Variants in MYO3B observed in about 807,000 individuals in gnomAD.
MYO3B encodes the protein myosin-IIIb.
Under a neutral mutation model 174.6 loss-of-function variants are expected in MYO3B, and 156 were observed. That is an observed-to-expected ratio of 0.89 (90% confidence interval 0.78 to 1.02). The LOEUF (loss-of-function observed/expected upper bound fraction) is 1.02. Ranked by LOEUF, MYO3B falls within the 50% of genes least tolerant of loss-of-function variation. The pLI is 0.00. For missense variants in MYO3B, 1,632 were observed against 1,639.4 expected (o/e 1.00, Z 0.08); for synonymous variants, 563 against 569.1 (o/e 0.99, Z 0.15).
intron 7 of MYO3B, among the ~76,000 whole-genome samples, chr2:170,315,602 G>A (rs147164514): frequency 5.3e-5 from 8 of 152,066 alleles, no homozygotes; most frequent in South Asian, 2.1e-4. Flanking sequence ...CATCGTGCCC[G>A]GCCTTATAAT....
rs146507279 is a variant in MYO3B, at chr2:170,566,700, A to G, written c.3733+22712A>G. On this transcript the variant is annotated intron_variant, in intron 32 of 34. Transcript: ENST00000408978. ...AGGTAGAAGAAAGCTCAAATTTTAA[A>G]AAGTTGTGTACCAAGTGTGAATGGA... is the stretch of plus-strand genomic sequence containing the variant. Among the ~76,000 whole-genome samples, 876 of 152,282 alleles carry G rather than the reference A, an allele frequency of 5.8e-3. 8 individuals are homozygous for G. Among genetic ancestry groups the G allele is most frequent in the African/African-American group, 0.02 (821 of 41,568 alleles).
intron 32 of MYO3B, among the ~76,000 whole-genome samples, chr2:170,592,914 A>C (rs1693904289): frequency 6.6e-6 from 1 of 152,062 alleles, no homozygotes; most frequent in Non-Finnish European, 1.5e-5. Context: ...TATGAGATAG[A>C]TATATATAGA....
rs78858986 is a variant in MYO3B at position 170,517,706 on chromosome 2, A to G, written c.3473-1732A>G. 3.8e-3 allele frequency among the ~76,000 whole-genome samples: 582 copies of G among 152,302 alleles called. 1 individual carries two copies. Among genetic ancestry groups the G allele is most frequent in the African/African-American group, 0.013 (550 of 41,570 alleles). On this transcript the variant is annotated intron_variant, in intron 29 of 34. Transcript: ENST00000408978. Reference sequence around the variant, plus strand: ...AACAGGGAAACAGAAAGATACTTGTATCCCTGAAGTGGGTTCCCCTTTTTT... The same window carrying G: ...AACAGGGAAACAGAAAGATACTTGTGTCCCTGAAGTGGGTTCCCCTTTTTT...
intron 7 of MYO3B, among the ~76,000 whole-genome samples, chr2:170,319,573 A>C (rs1016166095): frequency 6.6e-6 from 1 of 152,338 alleles, no homozygotes; most frequent in Middle Eastern, 3.4e-3. Flanking sequence ...CATGTAAAGG[A>C]ACTTCCAGAA....
chr2:170,500,701 C>T (rs553815373), intron 27 of MYO3B, among the ~76,000 whole-genome samples: 27 of 152,266 alleles, frequency 1.8e-4, no homozygotes, highest in Admixed American at 1.6e-3. Flanking sequence ...CCCAGTCACA[C>T]AGATATGTGC....
intron 25 of MYO3B, among the ~76,000 whole-genome samples, chr2:170,497,945 C>CAA (rs1686988770): frequency 4.4e-5 from 1 of 22,802 alleles, no homozygotes; most frequent in African/African-American, 1.2e-4. Context: ...AATTCTGCCT[C>CAA]AGAAAAAAAA....
intron 32 of MYO3B, among the ~76,000 whole-genome samples, chr2:170,628,581 T>TG (rs1696669870): frequency 6.6e-6 from 1 of 152,168 alleles, no homozygotes; most frequent in Admixed American, 6.5e-5. Flanking sequence ...ATGAACCCGG[T>TG]ACCTCAGTTG....
intron 12 of MYO3B, among the ~76,000 whole-genome samples, chr2:170,384,353 T>A (rs1033992815): frequency 6.6e-6 from 1 of 152,192 alleles, no homozygotes. Context: ...TTTACCTTTC[T>A]AGCCTTCTAA....
Position 170,466,650 on chromosome 2 carries a change from ACAGT to A in MYO3B, c.2957_2960del (p.Val986AlafsTer17), listed in dbSNP as rs1684654300. The A allele has an allele frequency of 4.3e-6, 7 of 1,614,118 alleles. No individual in the cohort carries two copies. The highest frequency in any genetic ancestry group is 3.3e-5 in the Admixed American group (2 of 60,002). ...GCTCCGCTCCACAGGGATTCTGGAG[ACAGT>A]CAGCATCCGCCGCCAGGGCTATTCC... On this transcript the variant is annotated frameshift_variant, in exon 25 of 35. Transcript: ENST00000408978. LOFTEE classifies it high-confidence loss of function.
intron 29 of MYO3B, among the ~76,000 whole-genome samples, chr2:170,516,894 T>C (rs1366417920): frequency 6.6e-6 from 1 of 152,100 alleles, no homozygotes; most frequent in African/African-American, 2.4e-5. Context: ...GCCATGTCAC[T>C]GGTCTAATTT....
chr2:170,600,740 C>G (rs529458895), intron 32 of MYO3B, among the ~76,000 whole-genome samples: 1 of 152,246 alleles, frequency 6.6e-6, no homozygotes, highest in East Asian at 1.9e-4. Context: ...CTCAGGTCTT[C>G]TTTAATGTGG....
intron 1 of MYO3B, among the ~76,000 whole-genome samples, chr2:170,178,628 A>C (rs141636593): frequency 7.0e-4 from 107 of 152,280 alleles, no homozygotes; most frequent in African/African-American, 2.5e-3. Flanking sequence ...AGTTTATAAT[A>C]GAATGGACCT....
At position 170,470,623 on chromosome 2, in the gene MYO3B, G is replaced by A. The variant is rs141567422; in HGVS notation, c.3014+3912G>A. Among the ~76,000 whole-genome samples, 1,009 of 152,228 alleles carry A rather than the reference G, an allele frequency of 6.6e-3. 7 individuals are homozygous for A. The highest frequency in any genetic ancestry group is 0.012 in the South Asian group (56 of 4,816). On this transcript the variant is annotated intron_variant, in intron 25 of 34. Transcript: ENST00000408978. ...TCACTTCTTTTGGGTATATACCTAC[G>A]AGTAGAATTTCTTGGTCATATGGTA...
At chr2:170,633,648 C>T (rs557938330) in intron 32 of MYO3B, among the ~76,000 whole-genome samples, 3 of 152,182 alleles carry the variant, frequency 2.0e-5, no homozygotes, top group East Asian at 3.9e-4. Flanking sequence ...AAGAAAGAAA[C>T]GGTATTCAGT....
At chr2:170,489,271 G>A (rs1686276859) in intron 25 of MYO3B, among the ~76,000 whole-genome samples, 1 of 152,134 alleles carries the variant, frequency 6.6e-6, no homozygotes, top group African/African-American at 2.4e-5. Context: ...TTTACTAAAG[G>A]AGCCAGCCAG....
intron 25 of MYO3B, among the ~76,000 whole-genome samples, chr2:170,494,727 C>CAAAAAAA (rs3066990): frequency 1.4e-4 from 13 of 92,014 alleles, no homozygotes; most frequent in African/African-American, 1.6e-4. Flanking sequence ...AACTGCGTCT[C>CAAAAAAA]AAAAAAAAAA....
chr2:170,219,393 C>T (rs1044332831), intron 6 of MYO3B, among the ~76,000 whole-genome samples: 25 of 152,174 alleles, frequency 1.6e-4, no homozygotes, highest in African/African-American at 5.5e-4. Context: ...CCTGTAATCC[C>T]AGCACTTTGG....
intron 32 of MYO3B, among the ~76,000 whole-genome samples, chr2:170,613,231 C>G (rs1430339510): frequency 6.6e-6 from 1 of 152,194 alleles, no homozygotes; most frequent in East Asian, 1.9e-4. Context: ...CCATCAACTT[C>G]TGGTTTGGAG....
intron 6 of MYO3B, among the ~76,000 whole-genome samples, chr2:170,222,380 C>T (rs2092910542): frequency 6.6e-6 from 1 of 152,180 alleles, no homozygotes; most frequent in Non-Finnish European, 1.5e-5. Context: ...AACTGGGTAG[C>T]TTTAAACAAC....
Sources: gnomAD v4.1 joint callset for allele counts (sites outside exome capture counted in the v4.1 genomes callset) on GRCh38, gnomAD v4.1.1 for gene constraint, MANE v1.5 for transcripts, NCBI Gene and HGNC (gene_info 2026-07-23, HGNC 2026-07-21) for gene names.